GALNT12: variants seen among roughly 807,000 people sequenced by gnomAD.
GALNT12 encodes polypeptide N-acetylgalactosaminyltransferase 12.
A neutral mutation model predicts 55.5 loss-of-function variants in GALNT12; 45 were observed. The ratio of observed to expected loss-of-function variants is 0.81; its 90% CI spans 0.64 to 1.04. GALNT12 has a LOEUF of 1.04. Among genes scored for constraint, GALNT12 ranks in the 50% least tolerant of loss-of-function variants. GALNT12 has a pLI of 0.00. For missense variants in GALNT12, 709 were observed against 754.8 expected (o/e 0.94, Z 0.71); for synonymous variants, 304 against 312.2 (o/e 0.97, Z 0.28).
chr9:98,849,348 G>T lies in GALNT12; in HGVS notation c.*256G>T, dbSNP rs1836497767. ...GGTAATCGTAAGATGTTAACCCTTG[G>T]TATTTAGAAAATTAAAACCTTATAA... On this transcript the variant is annotated 3_prime_UTR_variant, in exon 10 of 10. Transcript: ENST00000375011. The T allele has an allele frequency of 1.7e-6, 1 of 577,224 alleles. No homozygotes were observed. Among genetic ancestry groups the T allele is most frequent in the African/African-American group, 1.9e-5 (1 of 53,658 alleles). The allele number at this position is 577,224 out of a possible 1,614,324, so 35.8% of individuals were successfully genotyped here. A position where few individuals can be genotyped will look rare whatever the true frequency, so the allele number is the denominator to read the frequency against.
intron 3 of GALNT12, among the ~76,000 whole-genome samples, chr9:98,828,916 G>A (rs1051736860): frequency 9.2e-5 from 14 of 151,864 alleles, no homozygotes; most frequent in African/African-American, 3.1e-4. Flanking sequence ...TGCAACCTCC[G>A]CCTCCCAAGT....
rs751274362 is a variant in GALNT12, at chr9:98,831,872, G to A, written c.832G>A (p.Gly278Ser). 74 of 1,614,016 alleles carry A rather than the reference G, an allele frequency of 4.6e-5. 1 individual carries two copies. The highest frequency in any genetic ancestry group is 4.5e-5 in the East Asian group (2 of 44,876). ...GAACTCCGGGGAGCCCCAGATCGGC[G>A]GTTTCGACTGGAGGCTGGTGTTCAC... ...LGNSGEPQIG[G>S]FDWRLVFTWH... The change falls in exon 4 of 10, where the codon GGT (glycine) becomes AGT (serine). Residue 278 changes from glycine to serine, a missense_variant. By Grantham distance (56) the Gly-to-Ser change is moderately conservative (BLOSUM62 0). Coordinates refer to ENST00000375011, the MANE Select transcript of GALNT12 (RefSeq NM_024642.5).
At position 98,807,676 on chromosome 9, in the gene GALNT12, C is replaced by T; in HGVS notation, c.-23C>T. On this transcript the variant is annotated 5_prime_UTR_variant, in exon 1 of 10. Transcript: ENST00000375011. ...CACCGCCGCCTTGGGGCGCGCAGATCGCTGGCTGCAGTTGGCGGGCGCATG... is the reference window on the plus strand; with the variant it reads ...CACCGCCGCCTTGGGGCGCGCAGATTGCTGGCTGCAGTTGGCGGGCGCATG... 1 of 1,113,224 alleles carries T rather than the reference C, an allele frequency of 9.0e-7. No homozygotes were observed. 69.0% of individuals were successfully genotyped at this position (1,113,224 alleles called of 1,614,324 possible).
chr9:98,820,757 T>G (rs1287940949), intron 1 of GALNT12, among the ~76,000 whole-genome samples: 1 of 152,190 alleles, frequency 6.6e-6, no homozygotes, highest in Non-Finnish European at 1.5e-5. Flanking sequence ...CTTGCCAGCA[T>G]CTGTTGTTTC....
intron 8 of GALNT12, among the ~76,000 whole-genome samples, chr9:98,844,847 AC>A (rs1184505592): frequency 6.6e-6 from 1 of 151,730 alleles, no homozygotes; most frequent in Non-Finnish European, 1.5e-5. Context: ...CCAGAAAAGG[AC>A]CCCCAGCCCT....
intron 1 of GALNT12, among the ~76,000 whole-genome samples, chr9:98,817,090 T>C (rs570759534): frequency 6.6e-6 from 1 of 152,306 alleles, no homozygotes; most frequent in East Asian, 1.9e-4. Context: ...CCTCCCGAAG[T>C]GCTGGGATTA....
At chr9:98,830,491 T>G (rs561994906) in intron 3 of GALNT12, among the ~76,000 whole-genome samples, 41 of 152,322 alleles carry the variant, frequency 2.7e-4, no homozygotes, top group Non-Finnish European at 4.9e-4. Context: ...AGTCCTATAC[T>G]CCAATGCTGG....
intron 2 of GALNT12, among the ~76,000 whole-genome samples, chr9:98,823,861 G>A (rs1835802836): frequency 6.6e-6 from 1 of 152,220 alleles, no homozygotes; most frequent in Admixed American, 6.5e-5. Context: ...TGAGGATGGA[G>A]GCAAGGAGGG....
chr9:98,838,245 C>T (rs1007069160), intron 6 of GALNT12, among the ~76,000 whole-genome samples: 1 of 152,194 alleles, frequency 6.6e-6, no homozygotes, highest in African/African-American at 2.4e-5. Context: ...GAGAGTGGCC[C>T]AGGCCCCCGC....
chr9:98,832,015 G>A (rs2118417093), intron 4 of GALNT12, 58 bp downstream of exon 4: 1 of 1,487,426 alleles, frequency 6.7e-7, no homozygotes, highest in Non-Finnish European at 9.3e-7. Flanking sequence ...GAATCTGGCT[G>A]ACCTGTGAGC....
At chr9:98,843,024 C>A (rs1588457505) in intron 7 of GALNT12, among the ~76,000 whole-genome samples, 1 of 152,134 alleles carries the variant, frequency 6.6e-6, no homozygotes. Context: ...CCAGTGGCCG[C>A]CACATGAAAT....
At chr9:98,814,817 C>T (rs1374509484) in intron 1 of GALNT12, among the ~76,000 whole-genome samples, 1 of 152,150 alleles carries the variant, frequency 6.6e-6, no homozygotes, top group African/African-American at 2.4e-5. Context: ...GTTAGGAAGG[C>T]TACATGAAGT....
In GALNT12 at chr9:98,822,448, C is replaced by T. The variant is rs186959739; in HGVS notation, c.372-808C>T. Among the ~76,000 whole-genome samples, 131 of 152,322 alleles carry T rather than the reference C, an allele frequency of 8.6e-4. 1 individual carries two copies. Among genetic ancestry groups the T allele is most frequent in the Non-Finnish European group, 1.5e-3 (105 of 68,036 alleles). On this transcript the variant is annotated intron_variant, in intron 1 of 9. Transcript: ENST00000375011. ...GGCAAATTGCTAAACAAAGAGGGAG[C>T]TTATTGGTTCTAATCACTGCCAGTC...
intron 1 of GALNT12, among the ~76,000 whole-genome samples, chr9:98,822,277 G>C (rs966598986): frequency 5.3e-5 from 8 of 152,144 alleles, no homozygotes; most frequent in African/African-American, 1.9e-4. Context: ...TATCCCTGTG[G>C]TTTCACTCTC....
chr9:98,843,413 T>TTGG (rs1182304801), intron 7 of GALNT12, among the ~76,000 whole-genome samples: 1 of 152,044 alleles, frequency 6.6e-6, no homozygotes, highest in Non-Finnish European at 1.5e-5. Context: ...TTTTTTTTTT[T>TTGG]TGGTGGTGGG....
At chr9:98,832,577 C>T (rs1217709397) in intron 4 of GALNT12, among the ~76,000 whole-genome samples, 6 of 152,126 alleles carry the variant, frequency 3.9e-5, no homozygotes, top group Admixed American at 2.0e-4. Context: ...AGCACATTCA[C>T]GGTATTGTGC....
At chr9:98,832,753 G>C (rs553687960) in intron 4 of GALNT12, among the ~76,000 whole-genome samples, 2 of 152,142 alleles carry the variant, frequency 1.3e-5, no homozygotes, top group East Asian at 3.9e-4. Context: ...TTTGTACTTG[G>C]CTTCTTTGAC....
chr9:98,807,757 C>G lies in GALNT12; in HGVS notation c.59C>G (p.Ala20Gly), dbSNP rs1835406332. The change falls in exon 1 of 10, where the codon GCG becomes GGG. Residue 20 changes from alanine (A) to glycine (G), a missense_variant. Ala to Gly is a moderately conservative substitution (Grantham distance 60). Around this residue, in one of 5 missense-constraint regions of GALNT12, gnomAD observed 110 missense variants for 102.2 expected, o/e 1.08. Coordinates refer to ENST00000375011, the MANE Select transcript of GALNT12 (RefSeq NM_024642.5). ...CGGGAACTGCGGCGCGGCCGGGAGG[C>G]GCTGTTGGTGCTCCTGGCGCTACTG... ...CPRELRRGRE[A>G]LLVLLALLAL... is the part of the protein sequence containing the mutation. The G allele has an allele frequency of 2.5e-6, 3 of 1,182,330 alleles. No homozygotes were observed. The highest frequency in any genetic ancestry group is 2.1e-6 in the Non-Finnish European group (2 of 950,328). The allele number at this position is 1,182,330 out of a possible 1,614,324, so 73.2% of individuals were successfully genotyped here.
At chr9:98,844,460 A>C in intron 8 of GALNT12, 1 of 479,026 alleles carries the variant, frequency 2.1e-6, no homozygotes, top group South Asian at 2.2e-5. Context: ...CATTATTTCC[A>C]TTCCCTTCAT....
Sources: gnomAD v4.1 joint callset for allele counts (sites outside exome capture counted in the v4.1 genomes callset) on GRCh38, gnomAD v4.1.1 for gene constraint, gnomAD v4.1.1 regional missense constraint, MANE v1.5 for transcripts, NCBI Gene and HGNC (gene_info 2026-07-23, HGNC 2026-07-21) for gene names.